ISG20L2: variants seen among roughly 807,000 people sequenced by gnomAD.
ISG20L2 encodes interferon stimulated exonuclease gene 20 like 2, also known as interferon-stimulated 20 kDa exonuclease-like 2.
ISG20L2 carries 14 observed loss-of-function variants against 27.8 expected under a neutral mutation model. The observed-to-expected ratio is 0.50, with a 90% CI of 0.33 to 0.79. The LOEUF is 0.79. Among genes scored for constraint, ISG20L2 ranks in the 30% least tolerant of loss-of-function variants. The pLI is 0.02. For missense variants in ISG20L2, 393 were observed against 435.1 expected, an observed-to-expected ratio of 0.90 and a Z score of 0.86; for synonymous variants, 157 against 165.7, an observed-to-expected ratio of 0.95 and a Z score of 0.40.
chr1:156,728,749 G>T lies in ISG20L2; in HGVS notation c.-452C>A. On this transcript the variant is annotated 5_prime_UTR_variant, in exon 1 of 4. Transcript: ENST00000368219. ...GCCGGACACCTCCGGCTTCACTTCCGTAAGAGGAGAGGAGTGTACGGCAAG... is the reference window on the plus strand; with the variant it reads ...GCCGGACACCTCCGGCTTCACTTCCTTAAGAGGAGAGGAGTGTACGGCAAG... 3 of 1,016,176 alleles carry T rather than the reference G, an allele frequency of 3.0e-6. No individual in the cohort carries two copies. Among genetic ancestry groups the T allele is most frequent in the Admixed American group, 5.9e-5 (1 of 16,940 alleles). The allele number at this position is 1,016,176 out of a possible 1,614,324, so 62.9% of individuals were successfully genotyped here. A position where few individuals can be genotyped will look rare whatever the true frequency, so the allele number is the denominator to read the frequency against.
In ISG20L2 at chr1:156,723,369, G is replaced by C. The variant is rs141175784; in HGVS notation, c.1042C>G (p.Arg348Gly). 1 of 1,614,126 alleles carries C rather than the reference G, an allele frequency of 6.2e-7. No individual in the cohort carries two copies. The highest frequency in any genetic ancestry group is 8.5e-7 in the Non-Finnish European group (1 of 1,180,022). ...VEVEWEEHLARNPPTD is the reference protein window; with the variant it reads ...VEVEWEEHLAGNPPTD ...TGCCACTAGTCTGTAGGGGGATTCCGGGCTAGGTGCTCTTCCCACTCGACT... is the reference window on the plus strand; with the variant it reads ...TGCCACTAGTCTGTAGGGGGATTCCCGGCTAGGTGCTCTTCCCACTCGACT... The change falls in exon 4 of 4, where the codon CGG (arginine) becomes GGG (glycine). Residue 348 changes from arginine to glycine, a missense_variant. Coordinates refer to ENST00000368219, the MANE Select transcript of ISG20L2 (RefSeq NM_001370150.2).
Position 156,723,481 on chromosome 1 carries a change from C to G in ISG20L2, c.949-19G>C, listed in dbSNP as rs757881013. The G allele has an allele frequency of 1.2e-5, 20 of 1,614,012 alleles. No homozygotes were observed. Among genetic ancestry groups the G allele is most frequent in the Non-Finnish European group, 1.6e-5 (19 of 1,180,000 alleles). On this transcript the variant is annotated intron_variant, in intron 3 of 3. Transcript: ENST00000368219. ...TCCCAACCTGAGCAAGCAAGGAAGA[C>G]AAGAGCATGAAGAGAAAAGAAACCG...
At chr1:156,724,694 T>C in intron 2 of ISG20L2, 1 of 1,035,364 alleles carries the variant, frequency 9.7e-7, no homozygotes, top group Non-Finnish European at 1.2e-6. Context: ...CATGAAGTCC[T>C]TTAACTATTA....
intron 2 of ISG20L2, 104 bp downstream of exon 2, chr1:156,726,802 T>G: frequency 6.6e-7 from 1 of 1,505,100 alleles, no homozygotes; most frequent in Non-Finnish European, 8.8e-7. Context: ...CCTCCCTCCC[T>G]CCACAAACGT....
intron 2 of ISG20L2, chr1:156,725,972 T>C: frequency 1.0e-6 from 1 of 985,528 alleles, no homozygotes; most frequent in Non-Finnish European, 1.2e-6. Context: ...GGGCGCCCTC[T>C]GGCGGCCTCC....
At chr1:156,725,993 A>C (rs766875896) in intron 2 of ISG20L2, 75 of 985,558 alleles carry the variant, frequency 7.6e-5, no homozygotes, top group African/African-American at 5.4e-4. Flanking sequence ...TGAGACCAGC[A>C]GGTCTCTTGC....
chr1:156,726,938 T>C lies in ISG20L2; in HGVS notation c.715A>G (p.Asn239Asp), dbSNP rs1364518116. The change falls in exon 2 of 4, where the codon AAT (asparagine) becomes GAT (aspartate). Residue 239 changes from asparagine to aspartate, a missense_variant. Physicochemically the swap from Asn to Asp is conservative, Grantham distance 23 (BLOSUM62 1). This residue lies in a region of ISG20L2 where 171 missense variants were observed against 195.3 expected (regional missense o/e 0.88). Coordinates refer to ENST00000368219, the MANE Select transcript of ISG20L2 (RefSeq NM_001370150.2). Reference protein sequence around the residue: ...WSGIRKQHMVNATPFKIARGQ... With the variant: ...WSGIRKQHMVDATPFKIARGQ... ...CGAGCAATCTTGAAGGGTGTGGCATTCACCATGTGCTGCTTCCGGATACCA... is the reference window on the plus strand; with the variant it reads ...CGAGCAATCTTGAAGGGTGTGGCATCCACCATGTGCTGCTTCCGGATACCA... 5 of 1,614,064 alleles carry C rather than the reference T, an allele frequency of 3.1e-6. No homozygotes were observed. In the African/African-American group the frequency reaches 6.7e-5, roughly 22 times the overall value.
At chr1:156,724,735 G>T in intron 2 of ISG20L2, 2 of 994,618 alleles carry the variant, frequency 2.0e-6, no homozygotes, top group South Asian at 9.1e-5. Context: ...ACATGGCTGG[G>T]ACCCGGGCTC....
chr1:156,723,154 TG>T lies in ISG20L2; in HGVS notation c.*194del. 1.5e-6 allele frequency: 1 copy of T among 652,868 alleles called. No individual in the cohort carries two copies. Among genetic ancestry groups the T allele is most frequent in the Non-Finnish European group, 2.6e-6 (1 of 385,588 alleles). 40.4% of individuals were successfully genotyped at this position (652,868 alleles called of 1,614,324 possible). A position where few individuals can be genotyped will look rare whatever the true frequency, so the allele number is the denominator to read the frequency against. ...CTGACGTGAAGGCTTTCCCCTTCCA[TG>T]GGACACTTAACCAGACACAGGACAC... On this transcript the variant is annotated 3_prime_UTR_variant, in exon 4 of 4. Transcript: ENST00000368219.
rs1648816389 is a variant in ISG20L2 at position 156,727,168 on chromosome 1, G to C, written c.485C>G (p.Ala162Gly). The change falls in exon 2 of 4, where the codon GCT (alanine) becomes GGT (glycine). Residue 162 changes from alanine (A) to glycine (G), a missense_variant. Coordinates refer to ENST00000368219, the MANE Select transcript of ISG20L2 (RefSeq NM_001370150.2). ...TCCGGAGCATTTATTCTCTGAATGA[G>C]CTTGGGTGGAGTTCTGTGGGGCATT... ...QKNAPQNSTQ[A>G]HSENKCSGAS... 6.2e-7 allele frequency: 1 copy of C among 1,613,918 alleles called. No homozygotes were observed. The highest frequency in any genetic ancestry group is 1.3e-5 in the African/African-American group (1 of 74,914).
intron 2 of ISG20L2, 111 bp downstream of exon 2, chr1:156,726,795 C>T: frequency 6.7e-7 from 1 of 1,498,150 alleles, no homozygotes; most frequent in Non-Finnish European, 8.9e-7. Context: ...AGATTCTCCT[C>T]CCTCCCTCCA....
intron 2 of ISG20L2, chr1:156,725,793 G>T: frequency 1.1e-6 from 1 of 887,982 alleles, no homozygotes; most frequent in Non-Finnish European, 1.3e-6. Flanking sequence ...TTGCTTGGCT[G>T]CGCCCCTTTG....
intron 3 of ISG20L2, chr1:156,723,876 C>T (rs913674070): frequency 7.7e-7 from 1 of 1,298,112 alleles, no homozygotes; most frequent in Non-Finnish European, 9.8e-7. Flanking sequence ...GCATCCACTA[C>T]ACGGTCTCTT....
chr1:156,723,170 A>G lies in ISG20L2; in HGVS notation c.*179T>C. ...CCCCTTCCATGGGACACTTAACCAGACACAGGACACAACACCTGAGGTGAA... is the reference window on the plus strand; with the variant it reads ...CCCCTTCCATGGGACACTTAACCAGGCACAGGACACAACACCTGAGGTGAA... On this transcript the variant is annotated 3_prime_UTR_variant, in exon 4 of 4. Coordinates refer to ENST00000368219, the MANE Select transcript of ISG20L2 (RefSeq NM_001370150.2). 1 of 726,082 alleles carries G rather than the reference A, an allele frequency of 1.4e-6. No homozygotes were observed. Among genetic ancestry groups the G allele is most frequent in the Non-Finnish European group, 2.3e-6 (1 of 444,202 alleles). The allele number at this position is 726,082 out of a possible 1,614,324, so 45.0% of individuals were successfully genotyped here.
At chr1:156,723,799 T>G in intron 3 of ISG20L2, 1 of 985,458 alleles carries the variant, frequency 1.0e-6, no homozygotes. Context: ...GTGACATATG[T>G]CCCCATCTTC....
Position 156,722,272 on chromosome 1 carries a change from T to C in ISG20L2, c.*1077A>G, listed in dbSNP as rs1648569121. ...GGACCACACAATTTTAATTTTTTTT[T>C]TTTTTTGAGACAGAGTCTCGCTCTG... is the stretch of plus-strand genomic sequence containing the variant. On this transcript the variant is annotated 3_prime_UTR_variant, in exon 4 of 4. Transcript: ENST00000368219. 6.6e-6 allele frequency: 1 copy of C among 151,894 alleles called. No homozygotes were observed. Among genetic ancestry groups the C allele is most frequent in the African/African-American group, 2.4e-5 (1 of 41,316 alleles). The allele number at this position is 151,894 out of a possible 1,614,324, so 9.4% of individuals were successfully genotyped here. A position where few individuals can be genotyped will look rare whatever the true frequency, so the allele number is the denominator to read the frequency against.
intron 2 of ISG20L2, chr1:156,725,486 A>C (rs1304014656): frequency 1.3e-5 from 2 of 152,386 alleles, no homozygotes; most frequent in Non-Finnish European, 2.9e-5. Flanking sequence ...ATGAGGTTCC[A>C]AACAGGTTTT....
Position 156,723,268 on chromosome 1 carries a change from T to G in ISG20L2, c.*81A>C. On this transcript the variant is annotated 3_prime_UTR_variant, in exon 4 of 4. Coordinates refer to ENST00000368219, the MANE Select transcript of ISG20L2 (RefSeq NM_001370150.2). The stretch of plus-strand genomic sequence containing the variant: ...CTAGCTTCCAAAGATGTGGAGCTGG[T>G]GGAGCTGTCCATTGGTCCACTGCCC... The G allele has an allele frequency of 2.5e-5, 38 of 1,528,794 alleles. No homozygotes were observed. Among genetic ancestry groups the G allele is most frequent in the Non-Finnish European group, 3.0e-5 (33 of 1,111,324 alleles). 94.7% of individuals were successfully genotyped at this position (1,528,794 alleles called of 1,614,324 possible).
At position 156,727,347 on chromosome 1, in the gene ISG20L2, G is replaced by C; in HGVS notation, c.306C>G (p.Thr102=). The C allele has an allele frequency of 6.2e-7, 1 of 1,614,140 alleles. No individual in the cohort carries two copies. The highest frequency in any genetic ancestry group is 8.5e-7 in the Non-Finnish European group (1 of 1,180,026). The change falls in exon 2 of 4, where the codon ACC becomes ACG. Residue 102 remains threonine (T), a synonymous_variant. Coordinates refer to ENST00000368219, the MANE Select transcript of ISG20L2 (RefSeq NM_001370150.2). Reference sequence around the variant, plus strand: ...AATCAGCCTTTTTTGAAGGGGCAGGGGTCAACCAAGACACTGCAGCTTTCT... The same window carrying C: ...AATCAGCCTTTTTTGAAGGGGCAGGCGTCAACCAAGACACTGCAGCTTTCT... The part of the protein sequence containing the change: ...LDKKAAVSWL[T]PAPSKKADSV...
Sources: gnomAD v4.1 joint callset for allele counts on GRCh38, gnomAD v4.1.1 for gene constraint, gnomAD v4.1.1 regional missense constraint, MANE v1.5 for transcripts, NCBI Gene and HGNC (gene_info 2026-07-23, HGNC 2026-07-21) for gene names.